SH3BGRL: variants seen among roughly 807,000 people sequenced by gnomAD.
SH3BGRL encodes the protein SH3 domain binding glutamate rich protein like, also known as adapter SH3BGRL.
SH3BGRL carries 7 observed loss-of-function variants against 9.8 expected under a neutral mutation model. That is an observed-to-expected ratio of 0.72 (90% CI 0.41 to 1.35). The LOEUF (loss-of-function observed/expected upper bound fraction) is 1.35, where lower values mean the gene tolerates loss of function less well. Among genes scored for constraint, SH3BGRL ranks in the 40% most tolerant of loss-of-function variants. The pLI is 0.01. For synonymous variants in SH3BGRL, 36 were observed against 29.1 expected, an observed-to-expected ratio of 1.24 and a Z score of -0.76; for missense variants, 73 against 84.4, an observed-to-expected ratio of 0.86 and a Z score of 0.53.
Position 81,274,483 on chromosome X carries a change from C to T in SH3BGRL, c.46-2501C>T, listed in dbSNP as rs1473990150. 2.0e-4 allele frequency among the ~76,000 whole-genome samples: 22 copies of T among 109,914 alleles called. No homozygotes were observed. In the Admixed American group the frequency reaches 2.1e-3, roughly 11 times the overall value. ...AAAATTAGCCGGGTTTGGTGGTGTGCGCCTGTAATCCCAGCTACTCAGGAG... is the reference window on the plus strand; with the variant it reads ...AAAATTAGCCGGGTTTGGTGGTGTGTGCCTGTAATCCCAGCTACTCAGGAG... On this transcript the variant is annotated intron_variant, in intron 1 of 3. Coordinates refer to ENST00000373212, the MANE Select transcript of SH3BGRL (RefSeq NM_003022.3).
chrX:81,276,903 T>C, intron 1 of SH3BGRL, 81 bp from the exon 2 acceptor site: 1 of 816,712 alleles, frequency 1.2e-6, no homozygotes, highest in Non-Finnish European at 1.8e-6. Context: ...CTTTGTTCTG[T>C]CTGAATTCAT....
At chrX:81,265,149 T>G (rs2075752632) in intron 1 of SH3BGRL, among the ~76,000 whole-genome samples, 1 of 108,540 alleles carries the variant, frequency 9.2e-6, no homozygotes, top group Non-Finnish European at 1.9e-5. Flanking sequence ...GAAAAGGTAC[T>G]GCAGGCATGA....
At chrX:81,257,216 C>T (rs753697314) in intron 1 of SH3BGRL, among the ~76,000 whole-genome samples, 2 of 111,401 alleles carry the variant, frequency 1.8e-5, no homozygotes, top group Admixed American at 9.5e-5. Flanking sequence ...TTCTGTGCAA[C>T]GATTCTGAGA....
intron 1 of SH3BGRL, among the ~76,000 whole-genome samples, chrX:81,256,349 C>A (rs1413706270): frequency 1.8e-5 from 2 of 111,909 alleles, no homozygotes; most frequent in Non-Finnish European, 3.8e-5. Flanking sequence ...ATTGACTTAG[C>A]GCTCCAGAAA....
chrX:81,262,837 G>T (rs1434258282), intron 1 of SH3BGRL, among the ~76,000 whole-genome samples: 1 of 111,971 alleles, frequency 8.9e-6, no homozygotes, highest in Non-Finnish European at 1.9e-5. Context: ...TTTTGGTGGT[G>T]CTGAGTTTAA....
At chrX:81,234,196 A>T (rs2075640927) in intron 1 of SH3BGRL, among the ~76,000 whole-genome samples, 2 of 112,043 alleles carry the variant, frequency 1.8e-5, no homozygotes, top group South Asian at 3.7e-4. Flanking sequence ...ATTGGATTTT[A>T]AAAAGTAGAT....
At chrX:81,206,818 G>A (rs886650554) in intron 1 of SH3BGRL, among the ~76,000 whole-genome samples, 7 of 112,011 alleles carry the variant, frequency 6.2e-5, no homozygotes, top group Non-Finnish European at 1.3e-4. Flanking sequence ...AACTGGTCTG[G>A]TATAGGTCAA....
At chrX:81,292,217 C>T (rs1242883236) in intron 3 of SH3BGRL, among the ~76,000 whole-genome samples, 2 of 112,124 alleles carry the variant, frequency 1.8e-5, no homozygotes, top group Non-Finnish European at 3.8e-5. Flanking sequence ...CCTGGACATC[C>T]AGGTATTTTC....
At chrX:81,212,245 TA>T (rs199711530) in intron 1 of SH3BGRL, among the ~76,000 whole-genome samples, 3,304 of 104,038 alleles carry the variant, frequency 0.032, 127 homozygotes, top group African/African-American at 0.11. Flanking sequence ...AAATAAAAAA[TA>T]AAAAAAAAAG....
chrX:81,240,306 G>A, intron 1 of SH3BGRL, among the ~76,000 whole-genome samples: 1 of 112,093 alleles, frequency 8.9e-6, no homozygotes, highest in Non-Finnish European at 1.9e-5. Flanking sequence ...GTTTTTATTA[G>A]TTTTATTTTG....
intron 1 of SH3BGRL, among the ~76,000 whole-genome samples, chrX:81,213,990 G>A (rs949398860): frequency 2.7e-5 from 3 of 111,702 alleles, no homozygotes; most frequent in Non-Finnish European, 5.6e-5. Flanking sequence ...AGGAATTATG[G>A]CATGAGATGA....
In SH3BGRL at chrX:81,244,886, G is replaced by A. The variant is rs964146664; in HGVS notation, c.46-32098G>A. On this transcript the variant is annotated intron_variant, in intron 1 of 3. Transcript: ENST00000373212. ...AGATTCTTTCCTGTCCAGAAACAGA[G>A]GTCATTTTAGAACTTGGGGTTAGGC... Among the ~76,000 whole-genome samples, 3 of 111,509 alleles carry A rather than the reference G, an allele frequency of 2.7e-5. No homozygotes were observed. In the Admixed American group the frequency reaches 2.9e-4, roughly 11 times the overall value.
At chrX:81,267,752 C>T (rs1482073195) in intron 1 of SH3BGRL, among the ~76,000 whole-genome samples, 1 of 111,609 alleles carries the variant, frequency 9.0e-6, no homozygotes, top group Non-Finnish European at 1.9e-5. Context: ...TCCTCTTTTT[C>T]TGTTGATTGG....
intron 1 of SH3BGRL, among the ~76,000 whole-genome samples, chrX:81,218,794 TATATAGATATAG>T (rs200310468): frequency 5.0e-5 from 5 of 100,270 alleles, no homozygotes; most frequent in Non-Finnish European, 1.0e-4. Flanking sequence ...TCTGTATGTA[TATATAGATATAG>T]ATATAGATAT....
chrX:81,217,462 C>T (rs1818603882), intron 1 of SH3BGRL, among the ~76,000 whole-genome samples: 1 of 110,779 alleles, frequency 9.0e-6, no homozygotes, highest in Non-Finnish European at 1.9e-5. Flanking sequence ...TATTATCATC[C>T]AGTTTAAAGA....
chrX:81,273,046 G>T (rs1471687801), intron 1 of SH3BGRL, among the ~76,000 whole-genome samples: 1 of 112,186 alleles, frequency 8.9e-6, no homozygotes, highest in African/African-American at 3.2e-5. Flanking sequence ...AAGTTTCCAA[G>T]TTTATTTTGT....
intron 3 of SH3BGRL, among the ~76,000 whole-genome samples, chrX:81,280,926 C>T (rs1054915836): frequency 5.5e-5 from 6 of 109,901 alleles, no homozygotes; most frequent in Admixed American, 9.7e-5. Context: ...AAAAATGATA[C>T]GAGAAGTAAA....
intron 1 of SH3BGRL, among the ~76,000 whole-genome samples, chrX:81,217,331 C>T (rs1232510053): frequency 9.3e-6 from 1 of 107,601 alleles, no homozygotes; most frequent in Admixed American, 1.0e-4. Flanking sequence ...TTTTGTTTCT[C>T]TAGTTCCATT....
rs894739678 is a variant in SH3BGRL at position 81,297,869 on chromosome X, C to G, written c.*642C>G. ...AGATATCCTTTTACACGCACAAAAG[C>G]AATAGATTCATTCAGTGGACAAGTT... On this transcript the variant is annotated 3_prime_UTR_variant, in exon 4 of 4. Transcript: ENST00000373212. The G allele has an allele frequency of 1.8e-5, 2 of 111,597 alleles. No individual in the cohort carries two copies. The highest frequency in any genetic ancestry group is 6.5e-5 in the African/African-American group (2 of 30,785). The allele number at this position is 111,597 out of a possible 1,213,427, so 9.2% of individuals were successfully genotyped here.
Sources: allele counts gnomAD v4.1 joint callset (sites outside exome capture counted in the v4.1 genomes callset), GRCh38; gene constraint gnomAD v4.1.1; transcripts MANE v1.5; gene names NCBI Gene and HGNC (gene_info 2026-07-23, HGNC 2026-07-21).